Variants in DCTN1 observed in about 807,000 individuals in gnomAD.
DCTN1 encodes dynactin subunit 1.
Under a neutral mutation model 161.2 loss-of-function variants are expected in DCTN1, and 61 were observed. That is an observed-to-expected ratio of 0.38 (90% CI 0.31 to 0.47). The LOEUF is 0.47. DCTN1 is among the 20% of genes least tolerant of loss of function. The pLI is 0.99. For synonymous variants in DCTN1, 653 were observed against 632.4 expected (o/e 1.03, Z -0.49); for missense variants, 1,404 against 1,623.7 (o/e 0.86, Z 2.33).
At chr2:74,373,373 C>CCT in intron 6 of DCTN1, 1 of 303,902 alleles carries the variant, frequency 3.3e-6, no homozygotes, top group Non-Finnish European at 6.5e-6. Flanking sequence ...CCCAGGTCAG[C>CCT]CTCTTCCTTC....
chr2:74,363,925 GCCTC>G, intron 26 of DCTN1: 3 of 486,888 alleles, frequency 6.2e-6, no homozygotes, highest in Non-Finnish European at 1.1e-5. Flanking sequence ...GGCTGTTCCT[GCCTC>G]CCTGTCTCAG....
rs763226083 is a variant in DCTN1, at chr2:74,363,120, A to G, written c.3403T>C (p.Ser1135Pro). The change falls in exon 29 of 32, where the codon TCC becomes CCC. Residue 1135 changes from serine (S) to proline (P), a missense_variant. By Grantham distance (74) the Ser-to-Pro change is moderately conservative. Coordinates refer to ENST00000628224, the MANE Select transcript of DCTN1 (RefSeq NM_004082.5). ...SLPPLHVAKL[S>P]HEGPGSELPA... Reference sequence around the variant, plus strand: ...AACTCACTGCCAGGGCCCTCATGGGATAGCTTTGCAACATGCAGAGGGGGC... The same window carrying G: ...AACTCACTGCCAGGGCCCTCATGGGGTAGCTTTGCAACATGCAGAGGGGGC... 30 of 1,613,898 alleles carry G rather than the reference A, an allele frequency of 1.9e-5. 1 individual carries two copies. The South Asian group carries it at 2.5e-4, about 14-fold the overall frequency.
rs371241720 is a variant in DCTN1, at chr2:74,365,592, G to C, written c.2952C>G (p.Ala984=). Reference sequence around the variant, plus strand: ...TCTCGATGCGCTCATCTGCATCCTTGGCAGCACTGTCCAACTTCTTCTCCA... The same window carrying C: ...TCTCGATGCGCTCATCTGCATCCTTCGCAGCACTGTCCAACTTCTTCTCCA... ...SLLEKKLDSA[A]KDADERIEKV... Residue 984 remains alanine (A), a synonymous_variant, in exon 25 of 32, where the codon GCC becomes GCG. Coordinates refer to ENST00000628224, the MANE Select transcript of DCTN1 (RefSeq NM_004082.5). The C allele has an allele frequency of 5.3e-5, 85 of 1,613,998 alleles. No homozygotes were observed. Among genetic ancestry groups the C allele is most frequent in the Non-Finnish European group, 6.7e-5 (79 of 1,180,030 alleles).
chr2:74,388,902 G>A (rs538428419), intron 1 of DCTN1, among the ~76,000 whole-genome samples: 1 of 152,156 alleles, frequency 6.6e-6, no homozygotes, highest in Non-Finnish European at 1.5e-5. Flanking sequence ...GTGCACATAT[G>A]TACGCACACA....
In DCTN1 at chr2:74,362,087, C is replaced by A; in HGVS notation, c.3664G>T (p.Asp1222Tyr). 6.2e-7 allele frequency: 1 copy of A among 1,613,902 alleles called. No individual in the cohort carries two copies. Among genetic ancestry groups the A allele is most frequent in the South Asian group, 1.1e-5 (1 of 91,074 alleles). ...SQRPGATVPT[D>Y]FATFPSSAFL... Reference sequence around the variant, plus strand: ...GCTGATGAAGGGAAGGTGGCAAAGTCAGTGGGTACTGTGGCTCCAGGGCGC... The same window carrying A: ...GCTGATGAAGGGAAGGTGGCAAAGTAAGTGGGTACTGTGGCTCCAGGGCGC... The change falls in exon 31 of 32, where the codon GAC becomes TAC. Residue 1222 changes from aspartate (D) to tyrosine (Y), a missense_variant. Asp to Tyr is a radical substitution (Grantham distance 160). This residue lies in a region of DCTN1 where 311 missense variants were observed against 298.9 expected (regional missense o/e 1.04). Coordinates refer to ENST00000628224, the MANE Select transcript of DCTN1 (RefSeq NM_004082.5).
chr2:74,361,730 C>T lies in DCTN1; in HGVS notation c.3700-94G>A. On this transcript the variant is annotated intron_variant, in intron 31 of 31. Coordinates refer to ENST00000628224, the MANE Select transcript of DCTN1 (RefSeq NM_004082.5). ...TCCCTGAGCACTGAGACCAAGGCAG[C>T]TCCTGGGTGACTAGGGCTTCTGAGA... 9 of 1,527,348 alleles carry T rather than the reference C, an allele frequency of 5.9e-6. No homozygotes were observed. The South Asian group carries it at 1.0e-4, about 17-fold the overall frequency. 94.6% of individuals were successfully genotyped at this position (1,527,348 alleles called of 1,614,324 possible).
chr2:74,365,485 G>A, intron 25 of DCTN1, 30 bp downstream of exon 25: 1 of 1,614,050 alleles, frequency 6.2e-7, no homozygotes, highest in South Asian at 1.1e-5. Flanking sequence ...GAGGATTAGA[G>A]GAAGCAAGGC....
At position 74,368,787 on chromosome 2, in the gene DCTN1, GC is replaced by G. The variant is rs1181212174; in HGVS notation, c.1794del (p.Pro599GlnfsTer23). The G allele has an allele frequency of 6.2e-7, 1 of 1,614,124 alleles. No individual in the cohort carries two copies. The highest frequency in any genetic ancestry group is 8.5e-7 in the Non-Finnish European group (1 of 1,180,060). Reference protein sequence around the residue: ...LTAFMPDSFLRPGGDHDCVLV... With the variant: ...LTAFMPDSFLXPGGDHDCVLV... ...AGAACGCAGTCATGGTCCCCACCTG[GC>G]CGAAGGAAGCTGTCAGGCATGAAGG... On this transcript the variant is annotated frameshift_variant, in exon 16 of 32. Transcript: ENST00000628224. LOFTEE classifies it high-confidence loss of function.
chr2:74,372,783 C>A (rs1313774927), intron 7 of DCTN1, 145 bp downstream of exon 7: 7 of 877,238 alleles, frequency 8.0e-6, no homozygotes, highest in South Asian at 2.7e-5. Context: ...GCCAGCACTG[C>A]GAACCCCCAC....
chr2:74,391,635 G>C (rs1676004446), intron 1 of DCTN1: 1 of 363,804 alleles, frequency 2.7e-6, no homozygotes, highest in South Asian at 2.0e-5. Flanking sequence ...ACCGGCCTCG[G>C]GGCAAACGCT....
chr2:74,362,191 G>C (rs375206313), intron 30 of DCTN1, 50 bp from the exon 31 acceptor site: 16 of 1,554,722 alleles, frequency 1.0e-5, no homozygotes, highest in South Asian at 3.4e-5. Flanking sequence ...ACCCCCACAG[G>C]CTAGCACAAG....
chr2:74,378,120 G>A lies in DCTN1; in HGVS notation c.159C>T (p.Ala53=), dbSNP rs759530214. 7.1e-5 allele frequency: 114 copies of A among 1,614,136 alleles called. No individual in the cohort carries two copies. The highest frequency in any genetic ancestry group is 9.2e-5 in the Non-Finnish European group (108 of 1,180,056). ...GAATCACGCCTACCCATTTGCCAGT[G>A]GCAAACAGTGTGGCTCCAACATAGG... is the stretch of plus-strand genomic sequence containing the variant. The part of the protein sequence containing the change: ...TVAYVGATLF[A]TGKWVGVILD... Residue 53 remains alanine (A), a synonymous_variant, in exon 2 of 32, where the codon GCC becomes GCT. Coordinates refer to ENST00000628224, the MANE Select transcript of DCTN1 (RefSeq NM_004082.5).
chr2:74,387,600 T>C (rs1675792053), intron 1 of DCTN1, among the ~76,000 whole-genome samples: 1 of 152,210 alleles, frequency 6.6e-6, no homozygotes, highest in Non-Finnish European at 1.5e-5. Context: ...CAACTCCCTC[T>C]CTTGTTCTCA....
At chr2:74,390,005 A>G (rs887780572) in intron 1 of DCTN1, among the ~76,000 whole-genome samples, 1 of 152,192 alleles carries the variant, frequency 6.6e-6, no homozygotes, top group African/African-American at 2.4e-5. Context: ...TTTCACTGAT[A>G]ATCTCATTTC....
Position 74,367,774 on chromosome 2 carries a change from G to A in DCTN1, c.2106C>T (p.Leu702=), listed in dbSNP as rs1674531942. 2.5e-6 allele frequency: 4 copies of A among 1,614,210 alleles called. No individual in the cohort carries two copies. Among genetic ancestry groups the A allele is most frequent in the Non-Finnish European group, 3.4e-6 (4 of 1,180,056 alleles). ...GCTGATCCTTGTGCAGCAGTTCAAT[G>A]AGGAAATCCAAGGAGCGCTCATGGG... ...MSAHERSLDF[L]IELLHKDQLD... Residue 702 remains leucine, a synonymous_variant, in exon 18 of 32, where the codon CTC becomes CTT. Coordinates refer to ENST00000628224, the MANE Select transcript of DCTN1 (RefSeq NM_004082.5).
intron 25 of DCTN1, 112 bp from the exon 26 acceptor site, chr2:74,365,353 C>A (rs1351996843): frequency 1.3e-6 from 2 of 1,559,746 alleles, no homozygotes; most frequent in Admixed American, 1.9e-5. Context: ...CAGGGCAGAG[C>A]AGCACAGGCT....
At chr2:74,374,799 C>T (rs1393077354) in intron 5 of DCTN1, 3 of 1,026,464 alleles carry the variant, frequency 2.9e-6, no homozygotes, top group African/African-American at 1.7e-5. Context: ...GACAGTCATG[C>T]GCAGAGCTTG....
rs755830264 is a variant in DCTN1 at position 74,370,446 on chromosome 2, G to A, written c.1127+20C>T. Reference sequence around the variant, plus strand: ...GGAGACACAAGAGTAAGCATCAGAGGCAAGCACTGAAGACCCTACCTCACC... The same window carrying A: ...GGAGACACAAGAGTAAGCATCAGAGACAAGCACTGAAGACCCTACCTCACC... On this transcript the variant is annotated intron_variant, in intron 11 of 31. Transcript: ENST00000628224. This position sits in a 1 kb window ranked among gnomAD's most constrained non-coding sequence, Gnocchi z 4.4. 6.2e-7 allele frequency: 1 copy of A among 1,614,124 alleles called. No individual in the cohort carries two copies. The highest frequency in any genetic ancestry group is 8.5e-7 in the Non-Finnish European group (1 of 1,179,974).
intron 25 of DCTN1, 101 bp from the exon 26 acceptor site, chr2:74,365,342 C>A: frequency 6.4e-7 from 1 of 1,564,534 alleles, no homozygotes; most frequent in Non-Finnish European, 8.7e-7. Flanking sequence ...CAGTGAGAAG[C>A]CAGGGCAGAG....
Sources: allele counts gnomAD v4.1 joint callset (sites outside exome capture counted in the v4.1 genomes callset), GRCh38; gene constraint gnomAD v4.1.1; regional missense constraint gnomAD v4.1.1; non-coding constraint Gnocchi (gnomAD v3.1); transcripts MANE v1.5; gene names NCBI Gene and HGNC (gene_info 2026-07-23, HGNC 2026-07-21).